AP1S3: variants seen among roughly 807,000 people sequenced by gnomAD.
AP1S3 encodes adaptor related protein complex 1 subunit sigma 3.
In AP1S3, 10 loss-of-function variants were observed where a neutral mutation model predicts 20.9. That is an observed-to-expected ratio of 0.48 (90% confidence interval 0.29 to 0.81). The LOEUF is 0.81. Among genes scored for constraint, AP1S3 ranks in the 30% least tolerant of loss-of-function variants. The pLI is 0.08. For synonymous variants in AP1S3, 41 were observed against 61.5 expected, an observed-to-expected ratio of 0.67 and a Z score of 1.56; for missense variants, 154 against 183.8, an observed-to-expected ratio of 0.84 and a Z score of 0.94.
At chr2:223,803,104 C>T (rs1038741024) in intron 1 of AP1S3, among the ~76,000 whole-genome samples, 4 of 152,148 alleles carry the variant, frequency 2.6e-5, no homozygotes, top group African/African-American at 9.7e-5. Context: ...CAGATGTAAA[C>T]AAACATAAAT....
Position 223,832,133 on chromosome 2 carries a change from CTCTGTG to C in AP1S3, c.3+5309_3+5314del, listed in dbSNP as rs1287188096. ...CTGGGGATTATTAAAGGAGTTTTCT[CTCTGTG>C]TGTGTGTGTGTGTGTGTGTGTGTGT... On this transcript the variant is annotated intron_variant, in intron 1 of 4. Transcript: ENST00000396654. 9.5e-4 allele frequency among the ~76,000 whole-genome samples: 41 copies of C among 43,020 alleles called. 3 individuals carry two copies. Among genetic ancestry groups the C allele is most frequent in the East Asian group, 3.6e-3 (7 of 1,954 alleles). 28.2% of individuals were successfully genotyped at this position (43,020 alleles called of 152,430 possible). A position where few individuals can be genotyped will look rare whatever the true frequency, so the allele number is the denominator to read the frequency against.
intron 1 of AP1S3, among the ~76,000 whole-genome samples, chr2:223,782,312 C>T (rs967594704): frequency 3.9e-5 from 6 of 152,168 alleles, no homozygotes; most frequent in African/African-American, 9.7e-5. Flanking sequence ...TGTGCCTGGC[C>T]GCCTTTAAGT....
chr2:223,791,232 C>T (rs187338146), intron 1 of AP1S3, among the ~76,000 whole-genome samples: 1 of 151,908 alleles, frequency 6.6e-6, no homozygotes, highest in Non-Finnish European at 1.5e-5. Context: ...ACAACAACAA[C>T]AAAAACACAT....
chr2:223,766,425 T>C (rs1418213409), intron 3 of AP1S3, among the ~76,000 whole-genome samples: 1 of 152,248 alleles, frequency 6.6e-6, no homozygotes, highest in Admixed American at 6.5e-5. Context: ...AGAAGCTCTT[T>C]AGTTTAATTG....
chr2:223,812,197 G>T (rs773998921), intron 1 of AP1S3, among the ~76,000 whole-genome samples: 32 of 152,212 alleles, frequency 2.1e-4, no homozygotes, highest in South Asian at 4.2e-4. Flanking sequence ...ATGCAGGCAT[G>T]TAAGCCTTTT....
At chr2:223,836,068 AC>A (rs1692387802) in intron 1 of AP1S3, among the ~76,000 whole-genome samples, 1 of 152,170 alleles carries the variant, frequency 6.6e-6, no homozygotes, top group African/African-American at 2.4e-5. Flanking sequence ...CAAACCTTTA[AC>A]AGAAACCAGC....
chr2:223,800,128 T>G (rs1274855500), intron 1 of AP1S3, among the ~76,000 whole-genome samples: 1 of 151,510 alleles, frequency 6.6e-6, no homozygotes, highest in South Asian at 2.1e-4. Context: ...GACAAATGAA[T>G]TGCTTCAACC....
At chr2:223,784,598 A>G (rs2106097302) in intron 1 of AP1S3, among the ~76,000 whole-genome samples, 1 of 152,222 alleles carries the variant, frequency 6.6e-6, no homozygotes, top group Non-Finnish European at 1.5e-5. Flanking sequence ...TCTTTAAAAA[A>G]CAACCACCCA....
intron 1 of AP1S3, among the ~76,000 whole-genome samples, chr2:223,780,347 A>AGTGTGTGTGT (rs1347365267): frequency 1.3e-4 from 12 of 89,378 alleles, no homozygotes; most frequent in Admixed American, 4.8e-4. Context: ...AGAGAGAGAG[A>AGTGTGTGTGT]GAGAGAGAGA....
At chr2:223,790,526 G>T (rs539132295) in intron 1 of AP1S3, among the ~76,000 whole-genome samples, 6 of 152,006 alleles carry the variant, frequency 3.9e-5, no homozygotes, top group Admixed American at 6.6e-5. Context: ...GAGCCACTGC[G>T]CCCAGTAATC....
chr2:223,798,115 T>G (rs1691386966), intron 1 of AP1S3, among the ~76,000 whole-genome samples: 1 of 152,202 alleles, frequency 6.6e-6, no homozygotes, highest in Non-Finnish European at 1.5e-5. Flanking sequence ...CCCTCAAGAT[T>G]GCCAGCTCAG....
intron 1 of AP1S3, among the ~76,000 whole-genome samples, chr2:223,781,584 A>C (rs1690947066): frequency 6.6e-6 from 1 of 152,034 alleles, no homozygotes; most frequent in Non-Finnish European, 1.5e-5. Context: ...TAAAATAACA[A>C]TAAATAATAA....
At chr2:223,821,043 T>G (rs942431025) in intron 1 of AP1S3, among the ~76,000 whole-genome samples, 2 of 152,244 alleles carry the variant, frequency 1.3e-5, no homozygotes, top group African/African-American at 4.8e-5. Flanking sequence ...TTCCATGCTC[T>G]TGAGAGAAAC....
In AP1S3 at chr2:223,775,932, T is replaced by C. The variant is rs1690772362; in HGVS notation, c.260A>G (p.Tyr87Cys). The part of the protein sequence containing the change: ...ELLTLEIVHR[Y>C]VELLDKYFGN... ...AAAATATTTGTCCAGCAGCTCCACG[T>C]AACGATGCACAATCTCTAGCGTCAA... The change falls in exon 3 of 5, where the codon TAC becomes TGC. Residue 87 changes from tyrosine (Y) to cysteine (C), a missense_variant. Transcript: ENST00000396654. The C allele has an allele frequency of 1.2e-6, 2 of 1,614,048 alleles. No individual in the cohort carries two copies. Among genetic ancestry groups the C allele is most frequent in the African/African-American group, 1.3e-5 (1 of 74,940 alleles).
chr2:223,784,953 A>G (rs1375678679), intron 1 of AP1S3, among the ~76,000 whole-genome samples: 3 of 152,272 alleles, frequency 2.0e-5, no homozygotes, highest in East Asian at 3.8e-4. Flanking sequence ...GCATACAAAA[A>G]CAATAAAACT....
At chr2:223,777,891 A>G (rs546398522) in intron 1 of AP1S3, 22 bp from the exon 2 acceptor site, 18 of 1,597,220 alleles carry the variant, frequency 1.1e-5, no homozygotes, top group Non-Finnish European at 1.5e-5. Flanking sequence ...GACACAAAAA[A>G]CAGAACCTGA....
intron 1 of AP1S3, among the ~76,000 whole-genome samples, chr2:223,800,983 A>G (rs970498512): frequency 6.6e-6 from 1 of 152,212 alleles, no homozygotes; most frequent in South Asian, 2.1e-4. Flanking sequence ...GCCCAAGGCT[A>G]TTTGCACTTA....
intron 1 of AP1S3, among the ~76,000 whole-genome samples, chr2:223,816,547 G>T (rs182631333): frequency 4.4e-4 from 67 of 152,300 alleles, no homozygotes; most frequent in Non-Finnish European, 6.3e-4. Flanking sequence ...CGTGGATAGG[G>T]TCCCATAATA....
intron 1 of AP1S3, 111 bp from the exon 2 acceptor site, chr2:223,777,980 A>C: frequency 1.0e-6 from 1 of 978,448 alleles, no homozygotes; most frequent in Non-Finnish European, 1.4e-6. Context: ...TTCTGAACGG[A>C]TGAAAAAATT....
Sources: allele counts gnomAD v4.1 joint callset (sites outside exome capture counted in the v4.1 genomes callset), GRCh38; gene constraint gnomAD v4.1.1; transcripts MANE v1.5; gene names NCBI Gene and HGNC (gene_info 2026-07-23, HGNC 2026-07-21).